GSE1: variants seen among roughly 807,000 people sequenced by gnomAD.
The protein encoded by GSE1 is genetic suppressor element 1.
GSE1 carries 32 observed loss-of-function variants against 112.6 expected under a neutral mutation model. The ratio of observed to expected loss-of-function variants is 0.28; its 90% confidence interval spans 0.21 to 0.38. The LOEUF (loss-of-function observed/expected upper bound fraction) is 0.38, where lower values mean the gene tolerates loss of function less well. Among genes scored for constraint, GSE1 ranks in the 10% least tolerant of loss-of-function variants. GSE1 has a pLI of 1.00. For synonymous variants in GSE1, 1,115 were observed against 735.6 expected, an observed-to-expected ratio of 1.52 and a Z score of -8.35; for missense variants, 2,348 against 1,699.2, an observed-to-expected ratio of 1.38 and a Z score of -6.71.
chr16:85,195,617 C>T (rs779186536), intron 1 of GSE1, among the ~76,000 whole-genome samples: 1 of 152,168 alleles, frequency 6.6e-6, no homozygotes, highest in Non-Finnish European at 1.5e-5. Flanking sequence ...CCTGCTAATC[C>T]CCTATCGAGG....
chr16:85,247,861 G>T (rs1297868631), intron 1 of GSE1, among the ~76,000 whole-genome samples: 1 of 152,226 alleles, frequency 6.6e-6, no homozygotes, highest in Non-Finnish European at 1.5e-5. Context: ...AGTGGCACAG[G>T]CCCTGCATCC....
intron 2 of GSE1, among the ~76,000 whole-genome samples, chr16:85,489,294 G>A (rs979906395): frequency 1.3e-5 from 2 of 151,804 alleles, no homozygotes; most frequent in Non-Finnish European, 2.9e-5. Context: ...GAGCCGGGCC[G>A]GTGAGAATTT....
At chr16:85,397,716 C>T (rs1340076360) in intron 2 of GSE1, among the ~76,000 whole-genome samples, 2 of 152,228 alleles carry the variant, frequency 1.3e-5, no homozygotes, top group East Asian at 1.9e-4. Flanking sequence ...ACACCTGCAT[C>T]GCCTTTGCCC....
At chr16:85,575,150 C>G (rs542525741) in intron 1 of GSE1, among the ~76,000 whole-genome samples, 1 of 151,650 alleles carries the variant, frequency 6.6e-6, no homozygotes, top group African/African-American at 2.4e-5. Context: ...TACAGAATGT[C>G]AGAGGCACGC....
chr16:85,362,891 A>G (rs2047112992), intron 2 of GSE1, among the ~76,000 whole-genome samples: 1 of 138,092 alleles, frequency 7.2e-6, no homozygotes, highest in African/African-American at 2.8e-5. Context: ...GCTGGAGTGC[A>G]GTGACATGAT....
chr16:85,516,832 C>A (rs916586627), intron 2 of GSE1, among the ~76,000 whole-genome samples: 1 of 145,338 alleles, frequency 6.9e-6, no homozygotes, highest in African/African-American at 2.6e-5. Context: ...GAGTCTCGCT[C>A]TATCGCCCAG....
At chr16:85,519,136 G>C (rs1259281936) in intron 2 of GSE1, among the ~76,000 whole-genome samples, 1 of 151,930 alleles carries the variant, frequency 6.6e-6, no homozygotes, top group Non-Finnish European at 1.5e-5. Context: ...ATGAGGTACT[G>C]GGTATCAAGT....
intron 1 of GSE1, among the ~76,000 whole-genome samples, chr16:85,304,744 G>A (rs779740603): frequency 7.2e-5 from 11 of 152,170 alleles, no homozygotes; most frequent in Admixed American, 2.0e-4. Context: ...GCAGAGACAG[G>A]CCAGGGCCCT....
At chr16:85,484,258 C>T (rs976796390) in intron 2 of GSE1, among the ~76,000 whole-genome samples, 8 of 152,228 alleles carry the variant, frequency 5.3e-5, no homozygotes, top group Non-Finnish European at 2.9e-5. Flanking sequence ...TTCTCCTCCG[C>T]GGGTCCCCTG....
At chr16:85,591,443 G>T (rs1333345267) in intron 1 of GSE1, among the ~76,000 whole-genome samples, 3 of 152,224 alleles carry the variant, frequency 2.0e-5, no homozygotes, top group African/African-American at 7.2e-5. Flanking sequence ...CTTTTCTCCC[G>T]ACTCCCAGAT....
At chr16:85,360,780 GAC>G (rs150394789) in intron 2 of GSE1, among the ~76,000 whole-genome samples, 1 of 151,888 alleles carries the variant, frequency 6.6e-6, no homozygotes, top group Non-Finnish European at 1.5e-5. Context: ...GCGTAAGTCA[GAC>G]ACACACACAC....
chr16:85,224,512 C>T (rs758211571), intron 1 of GSE1, among the ~76,000 whole-genome samples: 1 of 152,048 alleles, frequency 6.6e-6, no homozygotes, highest in African/African-American at 2.4e-5. Context: ...TTCCTGGATG[C>T]TGAGCTTTTG....
chr16:85,577,908 C>G (rs2046294224), intron 1 of GSE1, among the ~76,000 whole-genome samples: 4 of 152,260 alleles, frequency 2.6e-5, no homozygotes, highest in Admixed American at 2.6e-4. Flanking sequence ...AGTACAGGTG[C>G]TGATGCCCGA....
intron 1 of GSE1, among the ~76,000 whole-genome samples, chr16:85,200,086 C>T (rs989819529): frequency 2.0e-5 from 3 of 152,168 alleles, no homozygotes; most frequent in Non-Finnish European, 4.4e-5. Flanking sequence ...CCACCCTCTG[C>T]GGGCTGAAGA....
chr16:85,242,368 C>T (rs1905236965), intron 1 of GSE1, among the ~76,000 whole-genome samples: 1 of 152,210 alleles, frequency 6.6e-6, no homozygotes, highest in Non-Finnish European at 1.5e-5. Context: ...CTCCCCGCAC[C>T]CCCATGCAGG....
chr16:85,490,251 T>C (rs8053797), intron 2 of GSE1: 99,047 of 152,090 alleles, frequency 0.65, 33,365 homozygotes, highest in African/African-American at 0.83. Flanking sequence ...CAACGTTCTA[T>C]AAATCAACAA....
At chr16:85,614,652 C>T (rs1277812627) in intron 1 of GSE1, among the ~76,000 whole-genome samples, 2 of 152,190 alleles carry the variant, frequency 1.3e-5, no homozygotes, top group South Asian at 4.1e-4. Flanking sequence ...TGGGGGAGCA[C>T]CTGCCGGGTT....
At chr16:85,172,251 G>C (rs968276391) in intron 1 of GSE1, among the ~76,000 whole-genome samples, 1 of 152,208 alleles carries the variant, frequency 6.6e-6, no homozygotes, top group Non-Finnish European at 1.5e-5. Flanking sequence ...GTTCCTCTCC[G>C]TTCTAGCTCC....
intron 1 of GSE1, among the ~76,000 whole-genome samples, chr16:85,560,292 C>T (rs895470973): frequency 1.3e-5 from 2 of 151,984 alleles, no homozygotes; most frequent in East Asian, 1.9e-4. Flanking sequence ...TGCGCCACCA[C>T]GCCCAAGTAA....
Sources: allele counts gnomAD v4.1 joint callset (sites outside exome capture counted in the v4.1 genomes callset), GRCh38; gene constraint gnomAD v4.1.1; transcripts MANE v1.5; gene names NCBI Gene and HGNC (gene_info 2026-07-23, HGNC 2026-07-21).